ELAPOR2: variants seen among roughly 807,000 people sequenced by gnomAD.
ELAPOR2 encodes endosome-lysosome associated apoptosis and autophagy regulator family member 2, also known as endosome/lysosome-associated apoptosis and autophagy regulator family member 2.
In ELAPOR2, 89 loss-of-function variants were observed where a neutral mutation model predicts 120.7. The ratio of observed to expected loss-of-function variants is 0.74; its 90% CI spans 0.62 to 0.88. The LOEUF (loss-of-function observed/expected upper bound fraction) is 0.88, where lower values mean the gene tolerates loss of function less well. Among genes scored for constraint, ELAPOR2 ranks in the 40% least tolerant of loss-of-function variants. ELAPOR2 has a pLI of 0.00. For missense variants in ELAPOR2, 1,134 were observed against 1,251.6 expected (o/e 0.91, Z 1.42); for synonymous variants, 444 against 444.9 (o/e 1.00, Z 0.03).
intron 2 of ELAPOR2, among the ~76,000 whole-genome samples, chr7:86,952,696 TAAC>T (rs969340716): frequency 2.0e-5 from 3 of 152,192 alleles, no homozygotes; most frequent in African/African-American, 7.2e-5. Flanking sequence ...AGGAAAATAA[TAAC>T]AATAGCTATC....
At chr7:86,960,111 T>C (rs1791644832) in intron 2 of ELAPOR2, among the ~76,000 whole-genome samples, 1 of 152,258 alleles carries the variant, frequency 6.6e-6, no homozygotes, top group South Asian at 2.1e-4. Flanking sequence ...AAGAATCATT[T>C]TGTAACCTAG....
intron 1 of ELAPOR2, among the ~76,000 whole-genome samples, chr7:86,970,885 C>A (rs1792084953): frequency 6.6e-6 from 1 of 152,108 alleles, no homozygotes. Context: ...AGTTCAATGT[C>A]TATCTTTGTA....
At chr7:86,889,829 C>T (rs1442939426) in intron 21 of ELAPOR2, among the ~76,000 whole-genome samples, 2 of 151,912 alleles carry the variant, frequency 1.3e-5, no homozygotes, top group Non-Finnish European at 2.9e-5. Flanking sequence ...GAGGAAATAT[C>T]TGAGTGCCAG....
intron 8 of ELAPOR2, among the ~76,000 whole-genome samples, chr7:86,935,246 C>A (rs924178613): frequency 1.3e-5 from 2 of 152,040 alleles, no homozygotes; most frequent in Admixed American, 6.6e-5. Context: ...TAGCTTATGT[C>A]ATTAACTGCA....
intron 10 of ELAPOR2, among the ~76,000 whole-genome samples, chr7:86,923,343 T>C (rs1346919236): frequency 6.6e-6 from 1 of 151,996 alleles, no homozygotes; most frequent in Non-Finnish European, 1.5e-5. Flanking sequence ...ATTACCCTTA[T>C]TTGATCATTC....
Position 86,926,748 on chromosome 7 carries a change from C to T in ELAPOR2, c.1258G>A (p.Asp420Asn), listed in dbSNP as rs1170449903. The T allele has an allele frequency of 1.2e-6, 2 of 1,607,326 alleles. No homozygotes were observed. The highest frequency in any genetic ancestry group is 1.7e-6 in the Non-Finnish European group (2 of 1,176,768). ...ATTGACATCCTACCTTTGGTTCCAT[C>T]TGAAAATGTTCCAGGAGGACAGGGA... ...CHPCPPGTFS[D>N]GTKECRPCPA... The change falls in exon 9 of 22, where the codon GAT becomes AAT. Residue 420 changes from aspartate to asparagine, a missense_variant. By Grantham distance (23) the Asp-to-Asn change is conservative (BLOSUM62 1). This residue lies in a region of ELAPOR2 where 831 missense variants were observed against 867.6 expected (regional missense o/e 0.96). Transcript: ENST00000450689.
chr7:86,947,928 A>G lies in ELAPOR2; in HGVS notation c.311-6T>C, dbSNP rs1791074207. Reference sequence around the variant, plus strand: ...TCCAGAAGCACAGGAGAAAGCTGGAAGGCAGAAGAATGGACAACCCATTAC... The same window carrying G: ...TCCAGAAGCACAGGAGAAAGCTGGAGGGCAGAAGAATGGACAACCCATTAC... On this transcript the variant is annotated splice_region_variant and splice_polypyrimidine_tract_variant and intron_variant, in intron 2 of 21. Coordinates refer to ENST00000450689, the MANE Select transcript of ELAPOR2 (RefSeq NM_001142749.3). 1.3e-6 allele frequency: 2 copies of G among 1,547,676 alleles called. No individual in the cohort carries two copies. The highest frequency in any genetic ancestry group is 2.0e-5 in the Admixed American group (1 of 50,928).
At chr7:86,962,240 C>A (rs968761358) in intron 2 of ELAPOR2, among the ~76,000 whole-genome samples, 2 of 152,142 alleles carry the variant, frequency 1.3e-5, no homozygotes, top group African/African-American at 4.8e-5. Context: ...TCCTTTTCCT[C>A]AGGAAAGGCC....
At chr7:86,916,234 G>T (rs750365697) in intron 12 of ELAPOR2, among the ~76,000 whole-genome samples, 1 of 152,156 alleles carries the variant, frequency 6.6e-6, no homozygotes, top group African/African-American at 2.4e-5. Context: ...TTAAAGCAGG[G>T]ATTTTTCAAA....
At chr7:86,973,509 G>C (rs1323918778) in intron 1 of ELAPOR2, among the ~76,000 whole-genome samples, 2 of 152,022 alleles carry the variant, frequency 1.3e-5, no homozygotes, top group East Asian at 3.9e-4. Context: ...CCAAGGCCAG[G>C]AGCATAAATC....
intron 1 of ELAPOR2, among the ~76,000 whole-genome samples, chr7:87,032,561 AAC>A (rs1794453489): frequency 6.6e-6 from 1 of 152,168 alleles, no homozygotes; most frequent in Non-Finnish European, 1.5e-5. Context: ...ACATCAGACT[AAC>A]AAATCTCACT....
chr7:87,021,883 T>C (rs1161681840), intron 1 of ELAPOR2, among the ~76,000 whole-genome samples: 1 of 152,162 alleles, frequency 6.6e-6, no homozygotes, highest in Non-Finnish European at 1.5e-5. Flanking sequence ...CTTTTAAATG[T>C]ACAGATTAAA....
At chr7:87,046,065 AC>A (rs1166689407) in intron 1 of ELAPOR2, among the ~76,000 whole-genome samples, 9 of 152,024 alleles carry the variant, frequency 5.9e-5, no homozygotes, top group Non-Finnish European at 8.8e-5. Flanking sequence ...TAAAGACTCC[AC>A]CAAAAAACTA....
chr7:87,043,491 A>G (rs1362890263), intron 1 of ELAPOR2, among the ~76,000 whole-genome samples: 2 of 151,818 alleles, frequency 1.3e-5, no homozygotes, highest in Non-Finnish European at 2.9e-5. Context: ...CAGCATATAA[A>G]CAGAGCCAAA....
intron 18 of ELAPOR2, 126 bp from the exon 19 acceptor site, chr7:86,897,758 AGTGG>A: frequency 3.9e-6 from 4 of 1,031,238 alleles, no homozygotes; most frequent in Admixed American, 4.8e-5. Context: ...AAGAAACACA[AGTGG>A]AAAAAAGTCT....
chr7:86,958,014 T>C (rs1791545419), intron 2 of ELAPOR2, among the ~76,000 whole-genome samples: 1 of 152,350 alleles, frequency 6.6e-6, no homozygotes, highest in South Asian at 2.1e-4. Flanking sequence ...CTCCAGGATA[T>C]TAATTTGCAT....
In ELAPOR2 at chr7:86,897,426, C is replaced by T. The variant is rs1324100469; in HGVS notation, c.2685+80G>A. On this transcript the variant is annotated intron_variant, in intron 19 of 21. Transcript: ENST00000450689. ...TTAAATACAAGCTTTTGCCATACTT[C>T]TGGACCTGAGTTTCTATGATTTGAT... 6.6e-6 allele frequency: 10 copies of T among 1,512,820 alleles called. No homozygotes were observed. In the East Asian group the frequency reaches 1.6e-4, roughly 24 times the overall value. 93.7% of individuals were successfully genotyped at this position (1,512,820 alleles called of 1,614,324 possible).
At chr7:86,907,560 T>C (rs1361621599) in intron 18 of ELAPOR2, 110 bp downstream of exon 18, 9 of 715,314 alleles carry the variant, frequency 1.3e-5, no homozygotes, top group Non-Finnish European at 1.6e-5. Context: ...CTACAGATTG[T>C]TCTGTTTTCT....
intron 1 of ELAPOR2, among the ~76,000 whole-genome samples, chr7:87,021,722 T>C (rs1794046784): frequency 6.6e-6 from 1 of 152,176 alleles, no homozygotes; most frequent in Non-Finnish European, 1.5e-5. Flanking sequence ...AGAATACCTC[T>C]CTTTAACACA....
Sources: allele counts gnomAD v4.1 joint callset (sites outside exome capture counted in the v4.1 genomes callset), GRCh38; gene constraint gnomAD v4.1.1; regional missense constraint gnomAD v4.1.1; transcripts MANE v1.5; gene names NCBI Gene and HGNC (gene_info 2026-07-23, HGNC 2026-07-21).